Variants in CLIC5 observed in about 807,000 individuals in gnomAD.
The protein encoded by CLIC5 is chloride intracellular channel protein 5.
A neutral mutation model predicts 24.7 loss-of-function variants in CLIC5; 20 were observed. That is an observed-to-expected ratio of 0.81 (90% CI 0.57 to 1.18). CLIC5 has a LOEUF of 1.18. CLIC5 is among the 50% of genes most tolerant of loss of function. The pLI is 0.00. For missense variants in CLIC5, 341 were observed against 326.1 expected (o/e 1.05, Z -0.35); for synonymous variants, 159 against 135.6 (o/e 1.17, Z -1.20).
At position 45,990,481 on chromosome 6, in the gene CLIC5, G is replaced by C. The variant is rs12333321; in HGVS notation, c.63+24999C>G. Reference sequence around the variant, plus strand: ...CCCAAGTGTGATAGAAGGATGGTGGGTTTCACATCTCACTCCCATCAACCA... The same window carrying C: ...CCCAAGTGTGATAGAAGGATGGTGGCTTTCACATCTCACTCCCATCAACCA... On this transcript the variant is annotated intron_variant, in intron 1 of 5. Transcript: ENST00000339561. Among the ~76,000 whole-genome samples, 1,141 of 152,258 alleles carry C rather than the reference G, an allele frequency of 7.5e-3. 13 individuals are homozygous for C. The highest frequency in any genetic ancestry group is 0.026 in the African/African-American group (1,096 of 41,550).
intron 6 of CLIC5, among the ~76,000 whole-genome samples, chr6:45,893,351 A>T (rs1420595019): frequency 6.6e-6 from 1 of 152,030 alleles, no homozygotes; most frequent in East Asian, 1.9e-4. Context: ...CATTTTCCAA[A>T]AGTCCCATGG....
chr6:45,970,157 G>C (rs1053917100), intron 1 of CLIC5, among the ~76,000 whole-genome samples: 13 of 152,278 alleles, frequency 8.5e-5, no homozygotes, highest in East Asian at 5.8e-4. Context: ...ACAGGGAAAT[G>C]TTTCTCCCAG....
At chr6:45,973,523 GCCAA>G (rs1401424030) in intron 1 of CLIC5, among the ~76,000 whole-genome samples, 1 of 151,988 alleles carries the variant, frequency 6.6e-6, no homozygotes, top group Non-Finnish European at 1.5e-5. Flanking sequence ...GTTTGTTTTT[GCCAA>G]CCAACATCCC....
intron 1 of CLIC5, among the ~76,000 whole-genome samples, chr6:45,988,848 T>G (rs1416188287): frequency 6.6e-6 from 1 of 152,192 alleles, no homozygotes; most frequent in Admixed American, 6.5e-5. Flanking sequence ...ATGGGGTTTC[T>G]GCCAGACTCC....
the CLIC5 span, among the ~76,000 whole-genome samples, chr6:46,089,281 T>C: frequency 6.6e-6 from 1 of 152,130 alleles, no homozygotes; most frequent in Admixed American, 6.5e-5. Context: ...AGAAAAACTT[T>C]GGTGCCAAAC....
At chr6:45,917,579 T>C (rs915258284) in intron 4 of CLIC5, among the ~76,000 whole-genome samples, 1 of 152,212 alleles carries the variant, frequency 6.6e-6, no homozygotes, top group African/African-American at 2.4e-5. Context: ...GGGATGCTCC[T>C]TGGTGATAAG....
rs144710503 is a variant in CLIC5, at chr6:45,971,531, G to C, written c.64-16287C>G. Among the ~76,000 whole-genome samples, 1,051 of 152,316 alleles carry C rather than the reference G, an allele frequency of 6.9e-3. 17 individuals carry two copies. The highest frequency in any genetic ancestry group is 0.024 in the African/African-American group (987 of 41,556). On this transcript the variant is annotated intron_variant, in intron 1 of 5. Transcript: ENST00000339561. ...CTATTGTTGGACTATGTTTAGAACA[G>C]ATGATGCTACGTGATGAACTTCGAG...
the CLIC5 span, among the ~76,000 whole-genome samples, chr6:46,095,892 T>C: frequency 4.0e-4 from 55 of 138,214 alleles, no homozygotes; most frequent in Non-Finnish European, 7.7e-4. Flanking sequence ...TTTTCAGATA[T>C]CTTTATCCCA....
chr6:45,942,156 C>T (rs898340574), intron 3 of CLIC5, among the ~76,000 whole-genome samples: 1 of 152,192 alleles, frequency 6.6e-6, no homozygotes, highest in Non-Finnish European at 1.5e-5. Context: ...AGGAAGAATA[C>T]CCACGGTCCT....
chr6:46,058,429 AAGAGTT>A (rs1411616551), intron 1 of CLIC5, among the ~76,000 whole-genome samples: 9 of 152,232 alleles, frequency 5.9e-5, no homozygotes, highest in Non-Finnish European at 1.2e-4. Flanking sequence ...TCCAAGGCTA[AAGAGTT>A]AGTAAACGGC....
the CLIC5 span, among the ~76,000 whole-genome samples, chr6:46,116,304 A>C: frequency 3.9e-5 from 6 of 152,276 alleles, no homozygotes; most frequent in East Asian, 1.2e-3. Flanking sequence ...TCAAGCCTCA[A>C]GGCTGGCCTG....
At chr6:46,072,921 C>T (rs960643847) in intron 1 of CLIC5, among the ~76,000 whole-genome samples, 1 of 152,150 alleles carries the variant, frequency 6.6e-6, no homozygotes, top group African/African-American at 2.4e-5. Flanking sequence ...GTTCCTCAAC[C>T]TTCTGAAGCA....
chr6:46,050,433 C>T (rs1439708181), intron 1 of CLIC5, among the ~76,000 whole-genome samples: 3 of 152,220 alleles, frequency 2.0e-5, no homozygotes, highest in Non-Finnish European at 2.9e-5. Flanking sequence ...GTAAACTTGG[C>T]ATCCTGAGAT....
intron 6 of CLIC5, among the ~76,000 whole-genome samples, chr6:45,886,025 T>C (rs1367692279): frequency 6.6e-6 from 1 of 152,102 alleles, no homozygotes; most frequent in African/African-American, 2.4e-5. Flanking sequence ...GTGGGACCAA[T>C]TGGCTAGAGC....
the CLIC5 span, among the ~76,000 whole-genome samples, chr6:46,088,461 G>GT: frequency 6.6e-6 from 1 of 151,990 alleles, no homozygotes; most frequent in Admixed American, 6.6e-5. Context: ...TGTCAAAGAT[G>GT]TATGTATTTT....
chr6:45,964,611 G>T (rs1428787139), intron 1 of CLIC5, among the ~76,000 whole-genome samples: 1 of 152,174 alleles, frequency 6.6e-6, no homozygotes, highest in Non-Finnish European at 1.5e-5. Flanking sequence ...TAGTGTTCCA[G>T]CTAATAGTCT....
chr6:46,079,918 C>T, exon 1 of CLIC5: 1 of 1,551,898 alleles, frequency 6.4e-7, no homozygotes, highest in Non-Finnish European at 8.7e-7. Context: ...GAATATAACC[C>T]TTCCATTGAG....
At chr6:46,028,782 A>C (rs1767415767) in intron 1 of CLIC5, among the ~76,000 whole-genome samples, 1 of 152,224 alleles carries the variant, frequency 6.6e-6, no homozygotes, top group Non-Finnish European at 1.5e-5. Context: ...ATTTGTTACA[A>C]CTGACAAACC....
At chr6:46,001,600 C>T (rs1242145520) in intron 1 of CLIC5, among the ~76,000 whole-genome samples, 2 of 152,202 alleles carry the variant, frequency 1.3e-5, no homozygotes, top group East Asian at 3.9e-4. Flanking sequence ...CTGGCTTCCC[C>T]CACAAGACCC....
Sources: gnomAD v4.1 joint callset for allele counts (sites outside exome capture counted in the v4.1 genomes callset) on GRCh38, gnomAD v4.1.1 for gene constraint, MANE v1.5 for transcripts, NCBI Gene and HGNC (gene_info 2026-07-23, HGNC 2026-07-21) for gene names.